The following BACH2 variants were observed in gnomAD, a reference collection of about 807,000 sequenced individuals.
The protein encoded by BACH2 is BACH transcriptional regulator 2.
A neutral mutation model predicts 61.8 loss-of-function variants in BACH2; 5 were observed. The ratio of observed to expected loss-of-function variants is 0.08; its 90% CI spans 0.04 to 0.17. The LOEUF is 0.17. Among genes scored for constraint, BACH2 ranks in the 10% least tolerant of loss-of-function variants. BACH2 has a pLI of 1.00. For synonymous variants in BACH2, 446 were observed against 440.1 expected, an observed-to-expected ratio of 1.01 and a Z score of -0.17; for missense variants, 824 against 1,091.1, an observed-to-expected ratio of 0.76 and a Z score of 3.45.
At chr6:90,106,964 T>C (rs551675080) in intron 4 of BACH2, among the ~76,000 whole-genome samples, 4 of 152,338 alleles carry the variant, frequency 2.6e-5, no homozygotes, top group African/African-American at 9.6e-5. Flanking sequence ...TGGATAGTTG[T>C]TTCTAGTTCC....
chr6:89,971,663 G>A (rs2128361169), intron 6 of BACH2, among the ~76,000 whole-genome samples: 1 of 152,276 alleles, frequency 6.6e-6, no homozygotes, highest in African/African-American at 2.4e-5. Flanking sequence ...CCACATGGCT[G>A]GGGAGGCCTC....
intron 4 of BACH2, among the ~76,000 whole-genome samples, chr6:90,151,573 G>T (rs149287058): frequency 6.6e-6 from 1 of 152,264 alleles, no homozygotes; most frequent in African/African-American, 2.4e-5. Flanking sequence ...TTACAGATAT[G>T]AGCCACCACA....
rs182491379 is a variant in BACH2, at chr6:90,129,545, C to T, written c.-161-40436G>A. 4.3e-3 allele frequency among the ~76,000 whole-genome samples: 659 copies of T among 152,144 alleles called. 6 individuals carry two copies. Among genetic ancestry groups the T allele is most frequent in the Middle Eastern group, 0.014 (4 of 294 alleles). ...TTATTATACTTTAAGTTCTAGGGTACATGTGCAGAATGTGTGGCCATTTTC... is the reference window on the plus strand; with the variant it reads ...TTATTATACTTTAAGTTCTAGGGTATATGTGCAGAATGTGTGGCCATTTTC... On this transcript the variant is annotated intron_variant, in intron 4 of 8. Coordinates refer to ENST00000257749, the MANE Select transcript of BACH2 (RefSeq NM_021813.4).
intron 4 of BACH2, among the ~76,000 whole-genome samples, chr6:90,157,865 A>G (rs1278603898): frequency 1.3e-5 from 2 of 152,208 alleles, no homozygotes; most frequent in African/African-American, 4.8e-5. Context: ...GATCACTAGA[A>G]ACACAGAGAC....
chr6:89,980,794 GTTTC>G (rs1410631297), intron 6 of BACH2, among the ~76,000 whole-genome samples: 1 of 151,958 alleles, frequency 6.6e-6, no homozygotes, highest in Non-Finnish European at 1.5e-5. Flanking sequence ...AAATGTATTG[GTTTC>G]TTTCTGTTTA....
At chr6:90,113,469 AAAC>A (rs1783263790) in intron 4 of BACH2, among the ~76,000 whole-genome samples, 1 of 152,196 alleles carries the variant, frequency 6.6e-6, no homozygotes, top group South Asian at 2.1e-4. Context: ...CATGGAAATG[AAAC>A]AACATGTTCC....
At chr6:90,060,890 C>G (rs1427003588) in intron 5 of BACH2, among the ~76,000 whole-genome samples, 3 of 152,272 alleles carry the variant, frequency 2.0e-5, no homozygotes, top group African/African-American at 7.2e-5. Flanking sequence ...CACACAAACA[C>G]AAGGGATGGC....
intron 5 of BACH2, among the ~76,000 whole-genome samples, chr6:90,060,311 C>A (rs1053792790): frequency 6.6e-6 from 1 of 152,126 alleles, no homozygotes; most frequent in Non-Finnish European, 1.5e-5. Flanking sequence ...ATTCTGCCCT[C>A]CAAACTTATT....
At chr6:90,129,995 G>C (rs751828686) in intron 4 of BACH2, among the ~76,000 whole-genome samples, 1 of 152,008 alleles carries the variant, frequency 6.6e-6, no homozygotes, top group Non-Finnish European at 1.5e-5. Flanking sequence ...TCAGCCTCCC[G>C]AGTAGCTGGG....
chr6:90,038,722 C>A (rs1779383345), intron 5 of BACH2, among the ~76,000 whole-genome samples: 1 of 151,956 alleles, frequency 6.6e-6, no homozygotes, highest in African/African-American at 2.4e-5. Flanking sequence ...ATAGATAGAT[C>A]TTTGTCCTTT....
intron 4 of BACH2, among the ~76,000 whole-genome samples, chr6:90,204,011 G>A (rs1269481733): frequency 6.6e-6 from 1 of 152,108 alleles, no homozygotes; most frequent in Non-Finnish European, 1.5e-5. Flanking sequence ...ACGGGATTTG[G>A]GGGATTCTGT....
rs187358887 is a variant in BACH2, at chr6:90,062,375, T to C, written c.-13+26586A>G. ...AATTATGATCTGAAAGTTGTTTGGG[T>C]AGTTATAAAAGTAGGTGATTAACTC... On this transcript the variant is annotated intron_variant, in intron 5 of 8. Coordinates refer to ENST00000257749, the MANE Select transcript of BACH2 (RefSeq NM_021813.4). Among the ~76,000 whole-genome samples, 138 of 152,240 alleles carry C rather than the reference T, an allele frequency of 9.1e-4. 1 individual carries two copies. Among genetic ancestry groups the C allele is most frequent in the Admixed American group, 2.6e-3 (40 of 15,288 alleles).
chr6:90,192,149 T>C (rs566354130), intron 4 of BACH2, among the ~76,000 whole-genome samples: 2 of 152,338 alleles, frequency 1.3e-5, no homozygotes, highest in South Asian at 4.1e-4. Flanking sequence ...TTACATATTA[T>C]GGTTCAGTAT....
intron 4 of BACH2, among the ~76,000 whole-genome samples, chr6:90,125,858 A>G (rs1783827769): frequency 6.6e-6 from 1 of 152,324 alleles, no homozygotes; most frequent in Non-Finnish European, 1.5e-5. Flanking sequence ...GACAACGCCA[A>G]ATGGGTGAAA....
chr6:89,992,835 A>T (rs972716954), intron 6 of BACH2, among the ~76,000 whole-genome samples: 2 of 152,154 alleles, frequency 1.3e-5, no homozygotes, highest in African/African-American at 4.8e-5. Flanking sequence ...GTTGCTATAG[A>T]GTTTTTTAGT....
At chr6:90,116,709 C>A in intron 4 of BACH2, 1 of 381,860 alleles carries the variant, frequency 2.6e-6, no homozygotes, top group African/African-American at 2.1e-5. Flanking sequence ...ATGGGGAAGA[C>A]CAGGTCCACA....
At chr6:90,275,859 C>T (rs1240962385) in intron 1 of BACH2, among the ~76,000 whole-genome samples, 5 of 151,946 alleles carry the variant, frequency 3.3e-5, no homozygotes, top group African/African-American at 9.7e-5. Context: ...GTCCCAGCTA[C>T]TTGGGAGGCT....
At chr6:90,045,513 T>A (rs1472661860) in intron 5 of BACH2, among the ~76,000 whole-genome samples, 1 of 151,588 alleles carries the variant, frequency 6.6e-6, no homozygotes, top group Non-Finnish European at 1.5e-5. Context: ...ACTTGTCATC[T>A]CTATTGAAGA....
chr6:90,133,018 A>G (rs558694956), intron 4 of BACH2, among the ~76,000 whole-genome samples: 2 of 152,326 alleles, frequency 1.3e-5, no homozygotes, highest in East Asian at 3.9e-4. Flanking sequence ...ACTTGGTGAT[A>G]AGTAGAGTAC....
Sources: gnomAD v4.1 joint callset for allele counts (sites outside exome capture counted in the v4.1 genomes callset) on GRCh38, gnomAD v4.1.1 for gene constraint, MANE v1.5 for transcripts, NCBI Gene and HGNC (gene_info 2026-07-23, HGNC 2026-07-21) for gene names.